The following CIT variants were observed in gnomAD, a reference collection of about 807,000 sequenced individuals.
CIT encodes the protein citron Rho-interacting kinase.
Under a neutral mutation model 272.7 loss-of-function variants are expected in CIT, and 79 were observed. The ratio of observed to expected loss-of-function variants is 0.29; its 90% CI spans 0.24 to 0.35. CIT has a LOEUF of 0.35. Among genes scored for constraint, CIT ranks in the 10% least tolerant of loss-of-function variants. The pLI, the probability that CIT is intolerant of heterozygous loss-of-function variation, is 1.00. For missense variants in CIT, 1,909 were observed against 2,618.3 expected, an observed-to-expected ratio of 0.73 and a Z score of 5.91; for synonymous variants, 948 against 995.6, an observed-to-expected ratio of 0.95 and a Z score of 0.90.
At position 119,761,060 on chromosome 12, in the gene CIT, A is replaced by G. The variant is rs1961724413; in HGVS notation, c.2305-5T>C. 2 of 1,599,850 alleles carry G rather than the reference A, an allele frequency of 1.3e-6. No homozygotes were observed. The highest frequency in any genetic ancestry group is 1.7e-6 in the Non-Finnish European group (2 of 1,167,088). ...CTTTATCTGATTGTCCAACACCTAC[A>G]AAAACAAAAGCAGCAGCAAATGTTC... On this transcript the variant is annotated splice_region_variant and splice_polypyrimidine_tract_variant and intron_variant, in intron 19 of 47. Transcript: ENST00000392521.
intron 4 of CIT, among the ~76,000 whole-genome samples, chr12:119,850,886 C>A (rs1970181561): frequency 6.6e-6 from 1 of 152,142 alleles, no homozygotes; most frequent in South Asian, 2.1e-4. Context: ...CAACCCAGAG[C>A]AGATTATCTG....
At position 119,728,348 on chromosome 12, in the gene CIT, G is replaced by A. The variant is rs986828857; in HGVS notation, c.3591+154C>T. Among the ~76,000 whole-genome samples, 3 of 152,092 alleles carry A rather than the reference G, an allele frequency of 2.0e-5. 1 individual carries two copies. In the East Asian group the frequency reaches 5.8e-4, roughly 29 times the overall value. ...TCTGGTACAGGGTGTTGATAGCTGG[G>A]GACACTGTGGGAGGAGGAGACAGGG... On this transcript the variant is annotated intron_variant, in intron 28 of 47. Transcript: ENST00000392521. The surrounding 1 kb of genome is among the most constrained non-coding windows in gnomAD (Gnocchi z 4.3).
intron 16 of CIT, 25 bp from the exon 17 acceptor site, chr12:119,772,935 A>C: frequency 6.3e-7 from 1 of 1,598,342 alleles, no homozygotes; most frequent in Non-Finnish European, 8.5e-7. Flanking sequence ...GGAAAAGGAG[A>C]TAGGTGGGCA....
chr12:119,777,677 C>CAAA (rs5801364), intron 13 of CIT, among the ~76,000 whole-genome samples: 1 of 147,246 alleles, frequency 6.8e-6, no homozygotes, highest in African/African-American at 2.5e-5. Flanking sequence ...CTCAAAAAAA[C>CAAA]AAAAAAAAAC....
At chr12:119,737,144 A>G (rs1190847066) in intron 24 of CIT, among the ~76,000 whole-genome samples, 1 of 152,014 alleles carries the variant, frequency 6.6e-6, no homozygotes, top group African/African-American at 2.4e-5. Flanking sequence ...CGTCTCTACT[A>G]AAAATACAAA....
rs773906531 is a variant in CIT at position 119,721,368 on chromosome 12, G to A, written c.3673C>T (p.Arg1225Trp). The change falls in exon 29 of 48, where the codon CGG (arginine) becomes TGG (tryptophan). Residue 1225 changes from arginine to tryptophan, a missense_variant. This residue lies in a region of CIT where 530 missense variants were observed against 822.4 expected (regional missense o/e 0.64). Coordinates refer to ENST00000392521, the MANE Select transcript of CIT (RefSeq NM_001206999.2). Reference sequence around the variant, plus strand: ...CTTTCTGTCTTCAGTAGATCAGCCCGATCTAGAGCTTCTTGCAGTCCTTGA... The same window carrying A: ...CTTTCTGTCTTCAGTAGATCAGCCCAATCTAGAGCTTCTTGCAGTCCTTGA... ...LTQGLQEALD[R>W]ADLLKTERSD... is the part of the protein sequence containing the mutation. 5 of 1,611,880 alleles carry A rather than the reference G, an allele frequency of 3.1e-6. No homozygotes were observed. The highest frequency in any genetic ancestry group is 4.5e-5 in the East Asian group (2 of 44,818).
Position 119,768,814 on chromosome 12 carries a change from C to A in CIT, c.2209-1632G>T, listed in dbSNP as rs1381642887. On this transcript the variant is annotated intron_variant, in intron 18 of 47. Coordinates refer to ENST00000392521, the MANE Select transcript of CIT (RefSeq NM_001206999.2). This position sits in a 1 kb window ranked among gnomAD's most constrained non-coding sequence, Gnocchi z 4.3. ...TGTACCATTATCTGTTTTGAAAGTT[C>A]TTATCAGAATAGCAAATATTTTAAA... Among the ~76,000 whole-genome samples, 1 of 152,182 alleles carries A rather than the reference C, an allele frequency of 6.6e-6. No individual in the cohort carries two copies. Among genetic ancestry groups the A allele is most frequent in the Non-Finnish European group, 1.5e-5 (1 of 68,044 alleles).
chr12:119,733,540 A>C (rs1593519561), intron 26 of CIT, among the ~76,000 whole-genome samples: 1 of 152,036 alleles, frequency 6.6e-6, no homozygotes, highest in East Asian at 1.9e-4. Flanking sequence ...AAAAAAAAAA[A>C]AAACAAAAAA....
intron 3 of CIT, among the ~76,000 whole-genome samples, chr12:119,859,001 C>T (rs1023884082): frequency 2.6e-5 from 4 of 152,076 alleles, no homozygotes; most frequent in East Asian, 1.9e-4. Context: ...AGATCCTCAA[C>T]GTATGAAGTA....
At position 119,690,906 on chromosome 12, in the gene CIT, G is replaced by A. The variant is rs950037585; in HGVS notation, c.5883-452C>T. 6.6e-6 allele frequency among the ~76,000 whole-genome samples: 1 copy of A among 152,238 alleles called. No individual in the cohort carries two copies. Among genetic ancestry groups the A allele is most frequent in the East Asian group, 1.9e-4 (1 of 5,194 alleles). On this transcript the variant is annotated intron_variant, in intron 46 of 47. Transcript: ENST00000392521. This position sits in a 1 kb window ranked among gnomAD's most constrained non-coding sequence, Gnocchi z 6.0. ...CCAGTTTGATAGGCCAGGCGCAGTGGCGCACACCTGTAATCCCAGCACTTT... is the reference window on the plus strand; with the variant it reads ...CCAGTTTGATAGGCCAGGCGCAGTGACGCACACCTGTAATCCCAGCACTTT...
Position 119,712,818 on chromosome 12 carries a change from C to A in CIT, c.4580-123G>T. 1 of 734,042 alleles carries A rather than the reference C, an allele frequency of 1.4e-6. No homozygotes were observed. Among genetic ancestry groups the A allele is most frequent in the Non-Finnish European group, 2.3e-6 (1 of 434,818 alleles). 45.5% of individuals were successfully genotyped at this position (734,042 alleles called of 1,614,324 possible). A position where few individuals can be genotyped will look rare whatever the true frequency, so the allele number is the denominator to read the frequency against. On this transcript the variant is annotated intron_variant, in intron 35 of 47. Coordinates refer to ENST00000392521, the MANE Select transcript of CIT (RefSeq NM_001206999.2). This position sits in a 1 kb window ranked among gnomAD's most constrained non-coding sequence, Gnocchi z 5.2. ...CAGGGTACGTGTGTAAAGAGAGGCG[C>A]ACGAGAACAAGGAAGGGACAGAGGT... is the stretch of plus-strand genomic sequence containing the variant.
chr12:119,730,718 CAACTA>C lies in CIT; in HGVS notation c.3351-93_3351-89del. The C allele has an allele frequency of 2.8e-6, 4 of 1,423,268 alleles. No homozygotes were observed. In the South Asian group the frequency reaches 5.3e-5, roughly 19 times the overall value. The allele number at this position is 1,423,268 out of a possible 1,614,324, so 88.2% of individuals were successfully genotyped here. ...CTGGTCCGTCTCTAATCCTGACGAGCAACTAAACAGGCTGCAGGCCAGAAAGATGC... is the reference window on the plus strand; with the variant it reads ...CTGGTCCGTCTCTAATCCTGACGAGCAACAGGCTGCAGGCCAGAAAGATGC... On this transcript the variant is annotated intron_variant, in intron 26 of 47. Transcript: ENST00000392521.
intron 29 of CIT, among the ~76,000 whole-genome samples, chr12:119,720,819 T>C (rs1381111988): frequency 6.6e-6 from 1 of 152,222 alleles, no homozygotes; most frequent in African/African-American, 2.4e-5. Flanking sequence ...TTGTAGGTCA[T>C]GGTCACTATA....
Position 119,746,177 on chromosome 12 carries a change from G to A in CIT, c.2905-3713C>T, listed in dbSNP as rs147603149. The stretch of plus-strand genomic sequence containing the variant: ...GGATTCTTCCTAGAGAAAGAATAAG[G>A]CCCTTATGTTAACAGACTCTTGGTC... On this transcript the variant is annotated intron_variant, in intron 23 of 47. Transcript: ENST00000392521. Among the ~76,000 whole-genome samples the A allele has an allele frequency of 3.2e-4, 48 of 152,200 alleles. 1 individual carries two copies. In the East Asian group the frequency reaches 8.1e-3, roughly 26 times the overall value.
intron 22 of CIT, among the ~76,000 whole-genome samples, chr12:119,755,072 G>A (rs1162575146): frequency 1.3e-5 from 2 of 152,208 alleles, no homozygotes; most frequent in Non-Finnish European, 2.9e-5. Flanking sequence ...CATCGCCTAA[G>A]GCTTAAGGCT....
At chr12:119,837,993 A>C (rs1969126264) in intron 5 of CIT, among the ~76,000 whole-genome samples, 1 of 152,246 alleles carries the variant, frequency 6.6e-6, no homozygotes, top group South Asian at 2.1e-4. Flanking sequence ...TCTAGATGTT[A>C]GGGAAACAGC....
At chr12:119,700,381 GTTTTT>G (rs1223230907) in intron 44 of CIT, among the ~76,000 whole-genome samples, 1 of 151,796 alleles carries the variant, frequency 6.6e-6, no homozygotes, top group Non-Finnish European at 1.5e-5. Context: ...TGCAATTGCG[GTTTTT>G]TTTGTTGTTT....
intron 17 of CIT, among the ~76,000 whole-genome samples, chr12:119,771,631 C>T (rs1481451608): frequency 6.6e-6 from 1 of 152,132 alleles, no homozygotes; most frequent in Non-Finnish European, 1.5e-5. Flanking sequence ...GCAGGGAATT[C>T]TGAGAAATCT....
intron 3 of CIT, among the ~76,000 whole-genome samples, chr12:119,864,453 A>AG (rs1950459051): frequency 6.6e-6 from 1 of 152,148 alleles, no homozygotes; most frequent in African/African-American, 2.4e-5. Flanking sequence ...CTCCAGCCTC[A>AG]GCCTCCCAAG....
Sources: gnomAD v4.1 joint callset for allele counts (sites outside exome capture counted in the v4.1 genomes callset) on GRCh38, gnomAD v4.1.1 for gene constraint, gnomAD v4.1.1 regional missense constraint, Gnocchi (gnomAD v3.1) non-coding constraint, MANE v1.5 for transcripts, NCBI Gene and HGNC (gene_info 2026-07-23, HGNC 2026-07-21) for gene names.